GTF3C6: variants seen among roughly 807,000 people sequenced by gnomAD.
GTF3C6 encodes general transcription factor IIIC subunit 6.
Under a neutral mutation model 19.2 loss-of-function variants are expected in GTF3C6, and 11 were observed. That is an observed-to-expected ratio of 0.57 (90% CI 0.36 to 0.95). The LOEUF (loss-of-function observed/expected upper bound fraction) is 0.95. GTF3C6 is among the 40% of genes least tolerant of loss of function. The pLI is 0.01. For missense variants in GTF3C6, 222 were observed against 254.7 expected (o/e 0.87, Z 0.87); for synonymous variants, 87 against 84.2 (o/e 1.03, Z -0.18).
intron 5 of GTF3C6, among the ~76,000 whole-genome samples, chr6:110,966,038 G>C (rs548960674): frequency 6.6e-6 from 1 of 152,194 alleles, no homozygotes; most frequent in Non-Finnish European, 1.5e-5. Context: ...GTTGTTGGCA[G>C]GAGGCCTCAG....
At chr6:110,962,569 G>T in intron 5 of GTF3C6, 64 bp downstream of exon 5, 1 of 871,560 alleles carries the variant, frequency 1.1e-6, no homozygotes, top group South Asian at 1.4e-5. Flanking sequence ...ATACATTGAT[G>T]CCAGGATAGT....
intron 5 of GTF3C6, among the ~76,000 whole-genome samples, chr6:110,964,283 C>T (rs963178813): frequency 4.0e-5 from 6 of 151,794 alleles, no homozygotes; most frequent in African/African-American, 9.7e-5. Flanking sequence ...TTCACTCCGT[C>T]GCCCAGGCTG....
Position 110,959,248 on chromosome 6 carries a change from TTTTGGTGAGTTTTCTAGA to T in GTF3C6, c.135_138+14del. ...TCAAAATGTGAAAATAAATGCAAGG[TTTTGGTGAGTTTTCTAGA>T]CTTGGGGGGATTGTTCTAGAGTGTC... On this transcript the variant is annotated splice_donor_variant and splice_donor_5th_base_variant and coding_sequence_variant and intron_variant, in exon 2 of 6. Transcript: ENST00000329970. LOFTEE classifies it high-confidence loss of function. 1 of 1,592,656 alleles carries T rather than the reference TTTTGGTGAGTTTTCTAGA, an allele frequency of 6.3e-7. No individual in the cohort carries two copies. Among genetic ancestry groups the T allele is most frequent in the African/African-American group, 1.3e-5 (1 of 74,248 alleles).
At chr6:110,962,128 TC>T (rs1001625484) in intron 4 of GTF3C6, among the ~76,000 whole-genome samples, 1 of 152,094 alleles carries the variant, frequency 6.6e-6, no homozygotes, top group African/African-American at 2.4e-5. Context: ...GGTCTCAAAC[TC>T]CCGACCTCAG....
Position 110,964,041 on chromosome 6 carries a change from AGTT to A in GTF3C6, c.361+1540_361+1542del, listed in dbSNP as rs561165614. On this transcript the variant is annotated intron_variant, in intron 5 of 5. Transcript: ENST00000329970. ...AATGTGGGGGAGACTGTAGGACCAC[AGTT>A]GTTAGTCCTCAGTCTAGTTTTTGTT... is the stretch of plus-strand genomic sequence containing the variant. 1.6e-4 allele frequency among the ~76,000 whole-genome samples: 24 copies of A among 152,044 alleles called. No homozygotes were observed. In the East Asian group the frequency reaches 4.5e-3, roughly 28 times the overall value.
At chr6:110,966,474 C>G (rs1487222293) in intron 5 of GTF3C6, among the ~76,000 whole-genome samples, 3 of 151,730 alleles carry the variant, frequency 2.0e-5, no homozygotes, top group African/African-American at 7.3e-5. Flanking sequence ...GAGACTCCAT[C>G]TCAAAGAAAA....
At chr6:110,966,099 A>G (rs536346363) in intron 5 of GTF3C6, among the ~76,000 whole-genome samples, 11 of 152,308 alleles carry the variant, frequency 7.2e-5, no homozygotes, top group East Asian at 1.9e-4. Flanking sequence ...TCCTCCTGAT[A>G]TGGCAGCTGG....
At chr6:110,959,123 C>A in intron 1 of GTF3C6, 49 bp from the exon 2 acceptor site, 1 of 1,360,992 alleles carries the variant, frequency 7.3e-7, no homozygotes, top group Non-Finnish European at 1.1e-6. Flanking sequence ...TAATTGCTCC[C>A]TCTTGGCCGC....
chr6:110,963,559 C>G (rs1771190604), intron 5 of GTF3C6, among the ~76,000 whole-genome samples: 1 of 152,056 alleles, frequency 6.6e-6, no homozygotes, highest in African/African-American at 2.4e-5. Flanking sequence ...CAGCATATTA[C>G]CTGTCTGATG....
intron 4 of GTF3C6, among the ~76,000 whole-genome samples, chr6:110,962,073 T>C (rs1771168096): frequency 6.6e-6 from 1 of 152,060 alleles, no homozygotes; most frequent in African/African-American, 2.4e-5. Flanking sequence ...CAGCGAATTT[T>C]TTGTATCTTT....
Position 110,960,683 on chromosome 6 carries a change from A to G in GTF3C6, c.247+67A>G, listed in dbSNP as rs944043877. ...TCAATCATACTTAAGCATAATAAAT[A>G]TCTCATGTATCCACTGTCTAGCTGT... On this transcript the variant is annotated intron_variant, in intron 4 of 5. Transcript: ENST00000329970. 4 of 1,149,100 alleles carry G rather than the reference A, an allele frequency of 3.5e-6. No individual in the cohort carries two copies. In the African/African-American group the frequency reaches 6.1e-5, roughly 18 times the overall value. 71.2% of individuals were successfully genotyped at this position (1,149,100 alleles called of 1,614,324 possible).
In GTF3C6 at chr6:110,958,748, G is replaced by A. The variant is rs777921143; in HGVS notation, c.-22G>A. ...TCCGGGCGGGCGTGGCCAGTGACTA[G>A]AAGGCGAGGCGCCGCGGGACCATGG... is the stretch of plus-strand genomic sequence containing the variant. On this transcript the variant is annotated 5_prime_UTR_variant, in exon 1 of 6. Coordinates refer to ENST00000329970, the MANE Select transcript of GTF3C6 (RefSeq NM_138408.4). 116 of 1,550,400 alleles carry A rather than the reference G, an allele frequency of 7.5e-5. No homozygotes were observed. Among genetic ancestry groups the A allele is most frequent in the Non-Finnish European group, 9.2e-5 (106 of 1,146,892 alleles).
intron 5 of GTF3C6, among the ~76,000 whole-genome samples, chr6:110,966,251 A>G (rs1771228210): frequency 6.6e-6 from 1 of 152,122 alleles, no homozygotes; most frequent in Non-Finnish European, 1.5e-5. Flanking sequence ...AGGCAGGTGG[A>G]TCACTTGAGG....
chr6:110,958,849 C>A, intron 1 of GTF3C6, 23 bp downstream of exon 1: 1 of 1,549,776 alleles, frequency 6.5e-7, no homozygotes, highest in Non-Finnish European at 8.7e-7. Context: ...ACGCCAAAAG[C>A]CTGCACCGCA....
At chr6:110,963,254 C>T (rs1771187862) in intron 5 of GTF3C6, among the ~76,000 whole-genome samples, 1 of 152,054 alleles carries the variant, frequency 6.6e-6, no homozygotes, top group Non-Finnish European at 1.5e-5. Flanking sequence ...GAGGGTACTC[C>T]ATCTAAAGTA....
intron 5 of GTF3C6, among the ~76,000 whole-genome samples, chr6:110,964,305 C>T (rs1010936780): frequency 4.0e-5 from 6 of 151,582 alleles, no homozygotes; most frequent in African/African-American, 1.2e-4. Flanking sequence ...AGTGCAGTGG[C>T]GCGATCTCTG....
rs1043175224 is a variant in GTF3C6 at position 110,960,722 on chromosome 6, A to C, written c.247+106A>C. 1.1e-5 allele frequency: 10 copies of C among 935,584 alleles called. No homozygotes were observed. The East Asian group carries it at 2.5e-4, about 23-fold the overall frequency. 58.0% of individuals were successfully genotyped at this position (935,584 alleles called of 1,614,324 possible). On this transcript the variant is annotated intron_variant, in intron 4 of 5. Coordinates refer to ENST00000329970, the MANE Select transcript of GTF3C6 (RefSeq NM_138408.4). The stretch of plus-strand genomic sequence containing the variant: ...CTGTCTAGCTGTATCATATCCTATC[A>C]TTTTCCCAAACGTGACTCAGATTAT...
At chr6:110,966,469 T>A (rs1771230803) in intron 5 of GTF3C6, among the ~76,000 whole-genome samples, 1 of 151,830 alleles carries the variant, frequency 6.6e-6, no homozygotes, top group Admixed American at 6.6e-5. Flanking sequence ...AAAGTGAGAC[T>A]CCATCTCAAA....
chr6:110,962,783 T>C (rs1297108114), intron 5 of GTF3C6, among the ~76,000 whole-genome samples: 1 of 151,892 alleles, frequency 6.6e-6, no homozygotes, highest in Non-Finnish European at 1.5e-5. Context: ...TCTTTTTTTT[T>C]CTTTTTTCTT....
Sources: gnomAD v4.1 joint callset for allele counts (sites outside exome capture counted in the v4.1 genomes callset) on GRCh38, gnomAD v4.1.1 for gene constraint, MANE v1.5 for transcripts, NCBI Gene and HGNC (gene_info 2026-07-23, HGNC 2026-07-21) for gene names.